Variants in MARCHF5 observed in about 807,000 individuals in gnomAD.
The protein encoded by MARCHF5 is E3 ubiquitin-protein ligase MARCHF5.
A neutral mutation model predicts 36.5 loss-of-function variants in MARCHF5; 5 were observed. The ratio of observed to expected loss-of-function variants is 0.14; its 90% confidence interval spans 0.07 to 0.29. The LOEUF (loss-of-function observed/expected upper bound fraction) is 0.29. MARCHF5 is among the 10% of genes least tolerant of loss of function. MARCHF5 has a pLI of 1.00. For synonymous variants in MARCHF5, 103 were observed against 109.9 expected (o/e 0.94, Z 0.39); for missense variants, 179 against 336.3 (o/e 0.53, Z 3.66).
chr10:92,349,486 G>C lies in MARCHF5; in HGVS notation c.507G>C (p.Trp169Cys). The stretch of plus-strand genomic sequence containing the variant: ...GGGAGGACTATGTGCTTAGACTGTG[G>C]CGCAAATACTCGAATAAACTACAAA... ...IRWEDYVLRLWRKYSNKLQIL... is the reference protein window; with the variant it reads ...IRWEDYVLRLCRKYSNKLQIL... Residue 169 changes from tryptophan to cysteine, a missense_variant, in exon 4 of 6, where the codon TGG (tryptophan) becomes TGC (cysteine). This residue lies in a region of MARCHF5 where 95 missense variants were observed against 139.5 expected (regional missense o/e 0.68). Transcript: ENST00000358935. 2 of 1,613,922 alleles carry C rather than the reference G, an allele frequency of 1.2e-6. No individual in the cohort carries two copies. The highest frequency in any genetic ancestry group is 1.7e-6 in the Non-Finnish European group (2 of 1,179,972).
At chr10:92,331,526 G>C (rs1212317907) in intron 2 of MARCHF5, among the ~76,000 whole-genome samples, 5 of 151,822 alleles carry the variant, frequency 3.3e-5, no homozygotes, top group Non-Finnish European at 7.4e-5. Context: ...GTTTTCAGTT[G>C]TTTTATGTAT....
At chr10:92,322,989 G>A (rs1843310319) in intron 2 of MARCHF5, among the ~76,000 whole-genome samples, 1 of 152,044 alleles carries the variant, frequency 6.6e-6, no homozygotes, top group Non-Finnish European at 1.5e-5. Flanking sequence ...ACCCACCTTG[G>A]CCTCCCAAAG....
intron 2 of MARCHF5, among the ~76,000 whole-genome samples, chr10:92,326,302 A>G (rs1455627912): frequency 3.9e-5 from 6 of 152,232 alleles, no homozygotes; most frequent in Non-Finnish European, 8.8e-5. Flanking sequence ...CACTTTGCCT[A>G]TATTATTTAA....
At chr10:92,342,809 T>A (rs748987891) in intron 3 of MARCHF5, among the ~76,000 whole-genome samples, 5 of 152,244 alleles carry the variant, frequency 3.3e-5, no homozygotes, top group African/African-American at 4.8e-5. Flanking sequence ...TATAATTTGC[T>A]TTTCTTTAAT....
intron 3 of MARCHF5, among the ~76,000 whole-genome samples, chr10:92,341,357 C>T (rs1843575679): frequency 6.6e-6 from 1 of 151,988 alleles, no homozygotes; most frequent in African/African-American, 2.4e-5. Context: ...GAGCCAAGAT[C>T]ACACCACTGC....
intron 3 of MARCHF5, among the ~76,000 whole-genome samples, chr10:92,342,333 A>T (rs1482734120): frequency 6.6e-6 from 1 of 151,004 alleles, no homozygotes; most frequent in African/African-American, 2.4e-5. Context: ...TTTTTTGTAG[A>T]GATGGGGTCT....
Position 92,295,912 on chromosome 10 carries a change from G to T in MARCHF5, c.35+4383G>T, listed in dbSNP as rs76151927. 2.0e-5 allele frequency among the ~76,000 whole-genome samples: 3 copies of T among 148,116 alleles called. No homozygotes were observed. In the East Asian group the frequency reaches 5.9e-4, roughly 29 times the overall value. On this transcript the variant is annotated intron_variant, in intron 1 of 5. Transcript: ENST00000358935. ...TTTTTCATGGAATTTCGCTCTTGTT[G>T]CCCAGGCTGCTGGAGGGCAGTGGCG...
chr10:92,327,166 C>CT (rs1297932420), intron 2 of MARCHF5, among the ~76,000 whole-genome samples: 2 of 152,046 alleles, frequency 1.3e-5, no homozygotes, highest in African/African-American at 4.8e-5. Flanking sequence ...GGGAAAAAAA[C>CT]TTTAACACTT....
At chr10:92,351,067 A>C (rs376646720) in intron 5 of MARCHF5, 24 bp from the exon 6 acceptor site, 51 of 1,313,594 alleles carry the variant, frequency 3.9e-5, no homozygotes, top group Non-Finnish European at 5.6e-5. Flanking sequence ...CATTATAAAA[A>C]GCTAATTTTC....
intron 2 of MARCHF5, among the ~76,000 whole-genome samples, chr10:92,318,408 T>G: frequency 7.3e-6 from 1 of 136,574 alleles, no homozygotes; most frequent in East Asian, 2.1e-4. Context: ...CCTGGGCAAC[T>G]GGAGTGAGAC....
At chr10:92,310,976 G>T (rs1057108674) in intron 1 of MARCHF5, among the ~76,000 whole-genome samples, 159 bp from the exon 2 acceptor site, 2 of 152,176 alleles carry the variant, frequency 1.3e-5, no homozygotes, top group African/African-American at 2.4e-5. Flanking sequence ...CTGCTCTAGT[G>T]GGAATGTATT....
intron 1 of MARCHF5, among the ~76,000 whole-genome samples, chr10:92,296,067 G>T (rs1016137804): frequency 2.0e-4 from 30 of 151,604 alleles, no homozygotes; most frequent in Admixed American, 2.0e-3. Flanking sequence ...TAGAGACTGG[G>T]TATCTCTATG....
At chr10:92,310,563 A>G (rs1564945092) in intron 1 of MARCHF5, among the ~76,000 whole-genome samples, 1 of 152,172 alleles carries the variant, frequency 6.6e-6, no homozygotes, top group East Asian at 1.9e-4. Flanking sequence ...AAAAAAAAAA[A>G]TCTTGATATA....
intron 2 of MARCHF5, among the ~76,000 whole-genome samples, chr10:92,312,083 T>C (rs1333747918): frequency 6.6e-6 from 1 of 152,160 alleles, no homozygotes; most frequent in Non-Finnish European, 1.5e-5. Flanking sequence ...CCCTTGACTG[T>C]AACCAAGAGG....
chr10:92,319,661 G>GT lies in MARCHF5; in HGVS notation c.238+8333dup, dbSNP rs145183388. Among the ~76,000 whole-genome samples, 15 of 148,214 alleles carry GT rather than the reference G, an allele frequency of 1.0e-4. No individual in the cohort carries two copies. The East Asian group carries it at 2.0e-3, about 20-fold the overall frequency. On this transcript the variant is annotated intron_variant, in intron 2 of 5. Transcript: ENST00000358935. Reference sequence around the variant, plus strand: ...TTTGTTTTTTGTTTTTTTGTTTTTTGTTTTTTTTTCTGAGAGGGAGTCTTA... The same window carrying GT: ...TTTGTTTTTTGTTTTTTTGTTTTTTGTTTTTTTTTTCTGAGAGGGAGTCTTA...
At chr10:92,297,212 G>A (rs1842957220) in intron 1 of MARCHF5, among the ~76,000 whole-genome samples, 1 of 149,908 alleles carries the variant, frequency 6.7e-6, no homozygotes, top group African/African-American at 2.5e-5. Context: ...CATTGCTCAG[G>A]CTGGAGTGGA....
At chr10:92,303,500 C>T (rs1397765352) in intron 1 of MARCHF5, among the ~76,000 whole-genome samples, 3 of 151,994 alleles carry the variant, frequency 2.0e-5, no homozygotes, top group Admixed American at 1.3e-4. Flanking sequence ...AACAACTTTT[C>T]TTGGCACTTA....
At chr10:92,319,710 A>G (rs1322403012) in intron 2 of MARCHF5, among the ~76,000 whole-genome samples, 1 of 150,092 alleles carries the variant, frequency 6.7e-6, no homozygotes, top group Non-Finnish European at 1.5e-5. Flanking sequence ...GTTGGAGTGC[A>G]GTGGCGCAAT....
At chr10:92,297,971 G>A (rs1384585792) in intron 1 of MARCHF5, among the ~76,000 whole-genome samples, 1 of 152,166 alleles carries the variant, frequency 6.6e-6, no homozygotes, top group African/African-American at 2.4e-5. Flanking sequence ...ACCGAGGCAG[G>A]CCAATCACTT....
Sources: gnomAD v4.1 joint callset for allele counts (sites outside exome capture counted in the v4.1 genomes callset) on GRCh38, gnomAD v4.1.1 for gene constraint, gnomAD v4.1.1 regional missense constraint, MANE v1.5 for transcripts, NCBI Gene and HGNC (gene_info 2026-07-23, HGNC 2026-07-21) for gene names.